RMST: variants seen among roughly 807,000 people sequenced by gnomAD.
RMST encodes long intergenic non-protein coding RNA 54.
At chr12:97,496,595 A>T (rs1288216104) in intron 10 of RMST, among the ~76,000 whole-genome samples, 1 of 152,150 alleles carries the variant, frequency 6.6e-6, no homozygotes, top group Non-Finnish European at 1.5e-5. Context: ...AAGCTCACTT[A>T]ATCAAGCAAA....
At chr12:97,529,286 G>A (rs1322293849) in intron 10 of RMST, among the ~76,000 whole-genome samples, 1 of 151,998 alleles carries the variant, frequency 6.6e-6, no homozygotes, top group African/African-American at 2.4e-5. Flanking sequence ...AGCACTTTAA[G>A]CTAAACAGAG....
intron 11 of RMST, among the ~76,000 whole-genome samples, chr12:97,558,736 T>A (rs1883887606): frequency 6.6e-6 from 1 of 152,136 alleles, no homozygotes; most frequent in South Asian, 2.1e-4. Context: ...ATGCCTAATA[T>A]ACTTCAATTT....
At chr12:97,512,628 T>C (rs908788119) in intron 10 of RMST, among the ~76,000 whole-genome samples, 2 of 152,220 alleles carry the variant, frequency 1.3e-5, no homozygotes, top group African/African-American at 2.4e-5. Flanking sequence ...AACCTTGAGC[T>C]AGATACAGAG....
At chr12:97,555,195 G>C (rs987348208) in intron 11 of RMST, among the ~76,000 whole-genome samples, 1 of 152,062 alleles carries the variant, frequency 6.6e-6, no homozygotes, top group South Asian at 2.1e-4. Flanking sequence ...CTCCTTTCAA[G>C]TAAAAAGAAA....
chr12:97,483,583 G>C (rs940401790), intron 5 of RMST: 1 of 152,142 alleles, frequency 6.6e-6, no homozygotes, highest in Non-Finnish European at 1.5e-5. Flanking sequence ...TGGTAGGCTC[G>C]ATGATTTAAA....
chr12:97,541,717 A>T (rs1396254010), intron 11 of RMST, among the ~76,000 whole-genome samples: 1 of 145,050 alleles, frequency 6.9e-6, no homozygotes, highest in East Asian at 1.9e-4. Context: ...ATGGAGGCAG[A>T]TTTAAAAAAA....
chr12:97,503,931 T>C (rs1878378207), intron 10 of RMST, among the ~76,000 whole-genome samples: 1 of 152,156 alleles, frequency 6.6e-6, no homozygotes, highest in Non-Finnish European at 1.5e-5. Context: ...AACTTTTTTT[T>C]TTCTTCTTTT....
intron 10 of RMST, among the ~76,000 whole-genome samples, chr12:97,500,772 C>T (rs1375202758): frequency 1.3e-5 from 2 of 152,114 alleles, no homozygotes; most frequent in African/African-American, 2.4e-5. Context: ...CAGGTCAGCC[C>T]GACCCTGAAC....
At chr12:97,503,033 G>A (rs1256169128) in intron 10 of RMST, among the ~76,000 whole-genome samples, 2 of 152,098 alleles carry the variant, frequency 1.3e-5, no homozygotes, top group Admixed American at 6.5e-5. Flanking sequence ...TGTTCCTTGT[G>A]TCTGGGCAAT....
chr12:97,505,572 A>G (rs1169432797), intron 10 of RMST, among the ~76,000 whole-genome samples: 1 of 152,256 alleles, frequency 6.6e-6, no homozygotes, highest in Non-Finnish European at 1.5e-5. Flanking sequence ...GCTATGCATT[A>G]CATGTTTTAC....
At chr12:97,534,980 CTAA>C (rs1881956160) in intron 11 of RMST, among the ~76,000 whole-genome samples, 1 of 151,382 alleles carries the variant, frequency 6.6e-6, no homozygotes, top group South Asian at 2.1e-4. Context: ...TTCTTCTGGA[CTAA>C]GGAGAGATAG....
At chr12:97,489,713 T>C (rs576958278) in intron 5 of RMST, among the ~76,000 whole-genome samples, 1 of 152,232 alleles carries the variant, frequency 6.6e-6, no homozygotes, top group Non-Finnish European at 1.5e-5. Flanking sequence ...ATTTTAATTG[T>C]TAATGCTTAG....
intron 10 of RMST, among the ~76,000 whole-genome samples, chr12:97,508,683 G>A (rs1368300497): frequency 2.6e-5 from 4 of 151,950 alleles, no homozygotes; most frequent in African/African-American, 4.8e-5. Context: ...TGTTTTTTTT[G>A]TTTTTGATTT....
intron 5 of RMST, among the ~76,000 whole-genome samples, chr12:97,469,423 C>G (rs1873626809): frequency 6.6e-6 from 1 of 151,894 alleles, no homozygotes; most frequent in Non-Finnish European, 1.5e-5. Context: ...CCAATGCTTC[C>G]TGTATTATTT....
At chr12:97,471,406 A>G (rs1873896861) in intron 5 of RMST, among the ~76,000 whole-genome samples, 2 of 152,082 alleles carry the variant, frequency 1.3e-5, no homozygotes, top group Non-Finnish European at 2.9e-5. Context: ...CCTACCTGCT[A>G]GTGGAGATAA....
intron 5 of RMST, among the ~76,000 whole-genome samples, chr12:97,481,083 TTGTC>T (rs1875216641): frequency 6.6e-6 from 1 of 152,254 alleles, no homozygotes; most frequent in African/African-American, 2.4e-5. Context: ...GGAACGATCT[TTGTC>T]TGTTCCACTG....
intron 11 of RMST, among the ~76,000 whole-genome samples, chr12:97,558,302 C>T (rs946181176): frequency 6.6e-6 from 1 of 152,096 alleles, no homozygotes; most frequent in Non-Finnish European, 1.5e-5. Context: ...GAGTTCTGGC[C>T]GATGGCTTAT....
intron 10 of RMST, among the ~76,000 whole-genome samples, chr12:97,528,701 C>A (rs1881354171): frequency 1.3e-5 from 2 of 151,876 alleles, no homozygotes; most frequent in South Asian, 2.1e-4. Flanking sequence ...CCATATAAAG[C>A]CTAAAGAGTG....
intron 11 of RMST, chr12:97,533,870 A>ATAGTT (rs1053727629): frequency 1.3e-5 from 2 of 151,848 alleles, no homozygotes; most frequent in Admixed American, 1.3e-4. Flanking sequence ...CTGAGGTGCT[A>ATAGTT]TAGTTTATTT....
Sources: gnomAD v4.1 joint callset for allele counts (sites outside exome capture counted in the v4.1 genomes callset) on GRCh38, gnomAD v4.1.1 for gene constraint, MANE v1.5 for transcripts, NCBI Gene and HGNC (gene_info 2026-07-23, HGNC 2026-07-21) for gene names.